Variants in SPRED2 observed in about 807,000 individuals in gnomAD.
SPRED2 encodes sprouty related EVH1 domain containing 2, also known as sprouty-related, EVH1 domain-containing protein 2.
In SPRED2, 47 loss-of-function variants were observed where a neutral mutation model predicts 43.0. That is an observed-to-expected ratio of 1.09 (90% confidence interval 0.87 to 1.40). SPRED2 has a LOEUF of 1.40. SPRED2 is among the 40% of genes most tolerant of loss of function. The pLI, the probability that SPRED2 is intolerant of heterozygous loss-of-function variation, is 0.00. For missense variants in SPRED2, 561 were observed against 586.4 expected (o/e 0.96, Z 0.45); for synonymous variants, 225 against 225.7 (o/e 1.00, Z 0.03).
At chr2:65,307,956 C>G (rs1404489236), downstream of SPRED2, among the ~76,000 whole-genome samples, 1 of 152,190 alleles carries the variant, frequency 6.6e-6, no homozygotes, top group Non-Finnish European at 1.5e-5. Context: ...CCCCGCCCCC[C>G]CCATTCACAC....
chr2:65,399,383 CT>C lies in SPRED2; in HGVS notation c.26+32578del, dbSNP rs34672484. 2.3e-3 allele frequency among the ~76,000 whole-genome samples: 291 copies of C among 125,364 alleles called. 1 individual carries two copies. The highest frequency in any genetic ancestry group is 6.4e-3 in the African/African-American group (218 of 34,214). 82.2% of individuals were successfully genotyped at this position (125,364 alleles called of 152,430 possible). ...CTGGATAGAACTGGAAACTATTATTCTTTTTTTTTTTTTTTTTTTGAGAGGG... is the reference window on the plus strand; with the variant it reads ...CTGGATAGAACTGGAAACTATTATTCTTTTTTTTTTTTTTTTTTGAGAGGG... On this transcript the variant is annotated intron_variant, in intron 1 of 5. Coordinates refer to ENST00000356388, the MANE Select transcript of SPRED2 (RefSeq NM_181784.3).
downstream of SPRED2, among the ~76,000 whole-genome samples, chr2:65,310,018 A>G: frequency 6.6e-6 from 1 of 152,120 alleles, no homozygotes; most frequent in East Asian, 1.9e-4. Flanking sequence ...CAGTTGCTCA[A>G]CTGTGACACA....
Position 65,334,682 on chromosome 2 carries a change from C to A in SPRED2, c.296G>T (p.Gly99Val). The change falls in exon 3 of 6, where the codon GGA becomes GTA. Residue 99 changes from glycine (G) to valine (V), a missense_variant. By Grantham distance (109) the Gly-to-Val change is moderately radical. Transcript: ENST00000356388. ...ATCAGCAGGGCTTTGGAAAGTAAGT[C>A]CAAACTTCCTATTATCGACCTTCCA... ...HHWKVDNRKF[G>V]LTFQSPADAR... 6.2e-7 allele frequency: 1 copy of A among 1,614,194 alleles called. No homozygotes were observed. Among genetic ancestry groups the A allele is most frequent in the Non-Finnish European group, 8.5e-7 (1 of 1,180,022 alleles).
intron 1 of SPRED2, among the ~76,000 whole-genome samples, chr2:65,375,392 G>A (rs13022819): frequency 0.16 from 24,598 of 152,200 alleles, 2,383 homozygotes; most frequent in Non-Finnish European, 0.2. Flanking sequence ...GATCTGTAGG[G>A]GAGATGACAA....
chr2:65,403,513 C>T (rs543812474), intron 1 of SPRED2, among the ~76,000 whole-genome samples: 1 of 152,206 alleles, frequency 6.6e-6, no homozygotes, highest in African/African-American at 2.4e-5. Context: ...GCAATCCCCC[C>T]ACCTTGGCCT....
At chr2:65,379,923 G>A (rs538505040) in intron 1 of SPRED2, among the ~76,000 whole-genome samples, 45 of 152,128 alleles carry the variant, frequency 3.0e-4, no homozygotes, top group Non-Finnish European at 5.6e-4. Context: ...GTTCCATGGG[G>A]ACATGCATTC....
At chr2:65,346,769 T>C (rs945530484) in intron 1 of SPRED2, among the ~76,000 whole-genome samples, 5 of 152,152 alleles carry the variant, frequency 3.3e-5, no homozygotes, top group African/African-American at 9.7e-5. Flanking sequence ...CCAGTGCTTC[T>C]GAAGCTCACA....
At chr2:65,308,680 T>C (rs1558641875), downstream of SPRED2, 1 of 556,684 alleles carries the variant, frequency 1.8e-6, no homozygotes, top group African/African-American at 2.0e-5. Flanking sequence ...CAGCTGAGGG[T>C]AGGTATTATC....
chr2:65,314,570 C>T (rs1673182612), intron 5 of SPRED2, among the ~76,000 whole-genome samples: 2 of 152,190 alleles, frequency 1.3e-5, no homozygotes. Flanking sequence ...CCGCCTCCCT[C>T]AGGGATCTCC....
intron 1 of SPRED2, among the ~76,000 whole-genome samples, chr2:65,419,735 TA>T (rs1292783370): frequency 9.2e-5 from 14 of 152,214 alleles, no homozygotes; most frequent in African/African-American, 3.1e-4. Context: ...TGAAAGACAG[TA>T]ATACATATGC....
chr2:65,334,300 A>G (rs1479538338), intron 3 of SPRED2: 4 of 498,160 alleles, frequency 8.0e-6, no homozygotes, highest in Admixed American at 4.6e-5. Context: ...AGCCATTTCA[A>G]TAGTCAGGAC....
At chr2:65,322,288 A>ATT (rs1286632853) in intron 4 of SPRED2, among the ~76,000 whole-genome samples, 1 of 88,546 alleles carries the variant, frequency 1.1e-5, no homozygotes, top group Non-Finnish European at 2.1e-5. Flanking sequence ...ATATATATAT[A>ATT]TATATATTTT....
chr2:65,344,167 A>G (rs950214854), intron 2 of SPRED2: 3 of 157,066 alleles, frequency 1.9e-5, no homozygotes, highest in Non-Finnish European at 4.2e-5. Context: ...AAAACCCAAA[A>G]AAACCCACAA....
At chr2:65,338,163 C>T (rs1238160941) in intron 2 of SPRED2, among the ~76,000 whole-genome samples, 2 of 65,108 alleles carry the variant, frequency 3.1e-5, no homozygotes, top group Admixed American at 2.6e-4. Flanking sequence ...TCCCGTCTCC[C>T]TCTCCCGTCT....
chr2:65,308,588 G>A, downstream of SPRED2: 1 of 985,392 alleles, frequency 1.0e-6, no homozygotes. Context: ...GAATAAAAAA[G>A]GGACTGAGAA....
intron 1 of SPRED2, among the ~76,000 whole-genome samples, chr2:65,427,976 C>T (rs892207998): frequency 6.6e-6 from 1 of 152,178 alleles, no homozygotes; most frequent in African/African-American, 2.4e-5. Context: ...GATAATAATA[C>T]CAACTACCTC....
At chr2:65,377,486 A>T (rs981091645) in intron 1 of SPRED2, 8 of 437,570 alleles carry the variant, frequency 1.8e-5, no homozygotes, top group African/African-American at 8.1e-5. Flanking sequence ...AAGCCTCATC[A>T]CCCATTAAAG....
At chr2:65,380,914 G>A (rs1675358981) in intron 1 of SPRED2, among the ~76,000 whole-genome samples, 1 of 152,106 alleles carries the variant, frequency 6.6e-6, no homozygotes, top group Admixed American at 6.5e-5. Flanking sequence ...AGCATTAAAT[G>A]GCATTAATGA....
intron 1 of SPRED2, among the ~76,000 whole-genome samples, chr2:65,383,337 T>A (rs268131): frequency 0.48 from 73,116 of 152,056 alleles, 18,573 homozygotes; most frequent in African/African-American, 0.64. Context: ...CGGGGCCCTG[T>A]TTCTAGTTGG....
Sources: gnomAD v4.1 joint callset for allele counts (sites outside exome capture counted in the v4.1 genomes callset) on GRCh38, gnomAD v4.1.1 for gene constraint, MANE v1.5 for transcripts, NCBI Gene and HGNC (gene_info 2026-07-23, HGNC 2026-07-21) for gene names.